RAB7A: variants seen among roughly 807,000 people sequenced by gnomAD.
The protein encoded by RAB7A is ras-related protein Rab-7a.
RAB7A carries 2 observed loss-of-function variants against 24.5 expected under a neutral mutation model. The ratio of observed to expected loss-of-function variants is 0.08; its 90% CI spans 0.03 to 0.26. The LOEUF (loss-of-function observed/expected upper bound fraction) is 0.26. Ranked by LOEUF, RAB7A falls within the 10% of genes least tolerant of loss-of-function variation. RAB7A has a pLI of 1.00. For synonymous variants in RAB7A, 100 were observed against 95.9 expected (o/e 1.04, Z -0.25); for missense variants, 118 against 255.7 (o/e 0.46, Z 3.67).
At chr3:128,805,092 C>T (rs1383570557) in intron 3 of RAB7A, among the ~76,000 whole-genome samples, 1 of 152,132 alleles carries the variant, frequency 6.6e-6, no homozygotes, top group African/African-American at 2.4e-5. Flanking sequence ...GAACTCCTTC[C>T]TGTGTGGGAG....
chr3:128,775,051 G>C (rs977481616), intron 1 of RAB7A, among the ~76,000 whole-genome samples: 4 of 152,204 alleles, frequency 2.6e-5, no homozygotes, highest in Non-Finnish European at 4.4e-5. Context: ...CAAAGTGTTG[G>C]GATTACAGGC....
chr3:128,733,297 A>C (rs2070456173), intron 1 of RAB7A, among the ~76,000 whole-genome samples: 1 of 152,190 alleles, frequency 6.6e-6, no homozygotes, highest in Non-Finnish European at 1.5e-5. Context: ...AAATGGAATC[A>C]TACACTGTGT....
At chr3:128,734,305 C>T (rs1299239619) in intron 1 of RAB7A, among the ~76,000 whole-genome samples, 1 of 151,846 alleles carries the variant, frequency 6.6e-6, no homozygotes, top group African/African-American at 2.4e-5. Flanking sequence ...GTGGTGGGCA[C>T]TTGTAATTCC....
At chr3:128,763,203 TATATA>T (rs1188858886) in intron 1 of RAB7A, among the ~76,000 whole-genome samples, 8 of 113,170 alleles carry the variant, frequency 7.1e-5, no homozygotes, top group African/African-American at 3.3e-4. Flanking sequence ...TATATATATA[TATATA>T]TTTTTTTTTT....
chr3:128,768,255 A>G (rs983608217), intron 1 of RAB7A, among the ~76,000 whole-genome samples: 1 of 152,112 alleles, frequency 6.6e-6, no homozygotes, highest in South Asian at 2.1e-4. Context: ...GTATGTATCT[A>G]TAGTTCATTC....
intron 1 of RAB7A, among the ~76,000 whole-genome samples, chr3:128,783,829 G>C (rs1368793146): frequency 1.3e-5 from 2 of 152,166 alleles, no homozygotes; most frequent in African/African-American, 4.8e-5. Flanking sequence ...AAAATGTTTT[G>C]ACCAGTTATT....
intron 1 of RAB7A, among the ~76,000 whole-genome samples, chr3:128,775,468 G>A (rs181458413): frequency 2.0e-5 from 3 of 152,138 alleles, no homozygotes; most frequent in African/African-American, 4.8e-5. Context: ...CACATTCTGT[G>A]GGCTTCCTGA....
chr3:128,783,518 G>A (rs1933266208), intron 1 of RAB7A, among the ~76,000 whole-genome samples: 1 of 152,054 alleles, frequency 6.6e-6, no homozygotes, highest in South Asian at 2.1e-4. Context: ...TGTGGTGGCT[G>A]GGAACGAGGT....
At chr3:128,769,326 A>T (rs940561907) in intron 1 of RAB7A, among the ~76,000 whole-genome samples, 7 of 152,162 alleles carry the variant, frequency 4.6e-5, no homozygotes, top group African/African-American at 1.7e-4. Context: ...CATTTAAAAA[A>T]TTTTTAGCCT....
intron 1 of RAB7A, among the ~76,000 whole-genome samples, chr3:128,747,159 G>T (rs1439845579): frequency 5.3e-5 from 8 of 151,316 alleles, no homozygotes; most frequent in Non-Finnish European, 1.0e-4. Context: ...AGGCTTGTTG[G>T]TGTATATCTG....
Position 128,806,471 on chromosome 3 carries a change from A to G in RAB7A, c.280A>G (p.Asn94Asp). Residue 94 changes from asparagine to aspartate, a missense_variant, in exon 4 of 6, where the codon AAC becomes GAC. Around this residue, in one of 2 missense-constraint regions of RAB7A, gnomAD observed 52 missense variants for 173.5 expected, o/e 0.30. Transcript: ENST00000265062. Reference protein sequence around the residue: ...CVLVFDVTAPNTFKTLDSWRD... With the variant: ...CVLVFDVTAPDTFKTLDSWRD... ...TCTGGTATTTGATGTGACTGCCCCCAACACATTCAAAACCCTAGATAGCTG... is the reference window on the plus strand; with the variant it reads ...TCTGGTATTTGATGTGACTGCCCCCGACACATTCAAAACCCTAGATAGCTG... 1 of 1,613,946 alleles carries G rather than the reference A, an allele frequency of 6.2e-7. No individual in the cohort carries two copies.
At chr3:128,809,877 C>T (rs1245861983) in intron 5 of RAB7A, among the ~76,000 whole-genome samples, 1 of 147,326 alleles carries the variant, frequency 6.8e-6, no homozygotes, top group Non-Finnish European at 1.5e-5. Context: ...TGCCATGTTC[C>T]CTTATCTGGA....
chr3:128,794,161 A>G (rs1257085483), intron 1 of RAB7A, among the ~76,000 whole-genome samples: 7 of 152,202 alleles, frequency 4.6e-5, no homozygotes, highest in African/African-American at 1.7e-4. Context: ...TACCTTGCCT[A>G]GGAGCTGTAA....
chr3:128,779,055 G>T (rs376979357), intron 1 of RAB7A, among the ~76,000 whole-genome samples: 5 of 152,318 alleles, frequency 3.3e-5, no homozygotes, highest in Admixed American at 2.6e-4. Context: ...GAAACCAGGT[G>T]ATGTTTCAGT....
At chr3:128,808,288 C>T (rs975912278) in intron 5 of RAB7A, among the ~76,000 whole-genome samples, 2 of 151,786 alleles carry the variant, frequency 1.3e-5, no homozygotes, top group Non-Finnish European at 2.9e-5. Flanking sequence ...TGAACCCAGG[C>T]GGCAGAGGTT....
At chr3:128,798,841 A>G in intron 3 of RAB7A, 2 of 259,068 alleles carry the variant, frequency 7.7e-6, no homozygotes, top group South Asian at 3.9e-5. Flanking sequence ...AAAAAAAAAA[A>G]AAAAGAATCC....
chr3:128,732,697 G>GTAC (rs538643439), intron 1 of RAB7A, among the ~76,000 whole-genome samples: 134 of 152,218 alleles, frequency 8.8e-4, no homozygotes, highest in Admixed American at 2.9e-3. Flanking sequence ...GGGTGTGGTG[G>GTAC]TACACTTGTG....
At chr3:128,785,977 A>G (rs916196136) in intron 1 of RAB7A, among the ~76,000 whole-genome samples, 1 of 152,150 alleles carries the variant, frequency 6.6e-6, no homozygotes, top group African/African-American at 2.4e-5. Flanking sequence ...ATGACTTCAT[A>G]ATTCCACAAA....
rs1425516713 is a variant in RAB7A at position 128,737,576 on chromosome 3, G to GCTCCAGC, written c.-9+11218_-9+11224dup. ...GCCCAGGCTGGTCTCGAACTCCTGA[G>GCTCCAGC]CTCCAGCAATCTGCTTGCCTCAGCC... On this transcript the variant is annotated intron_variant, in intron 1 of 5. Transcript: ENST00000265062. Among the ~76,000 whole-genome samples the GCTCCAGC allele has an allele frequency of 3.3e-5, 5 of 151,262 alleles. No individual in the cohort carries two copies. The East Asian group carries it at 7.9e-4, about 24-fold the overall frequency.
Sources: gnomAD v4.1 joint callset for allele counts (sites outside exome capture counted in the v4.1 genomes callset) on GRCh38, gnomAD v4.1.1 for gene constraint, gnomAD v4.1.1 regional missense constraint, MANE v1.5 for transcripts, NCBI Gene and HGNC (gene_info 2026-07-23, HGNC 2026-07-21) for gene names.